The following SLC38A1 variants were observed in gnomAD, a reference collection of about 807,000 sequenced individuals.
The protein encoded by SLC38A1 is sodium-coupled neutral amino acid symporter 1.
Under a neutral mutation model 60.3 loss-of-function variants are expected in SLC38A1, and 18 were observed. The observed-to-expected ratio is 0.30, with a 90% CI of 0.21 to 0.44. The LOEUF (loss-of-function observed/expected upper bound fraction) is 0.44. Among genes scored for constraint, SLC38A1 ranks in the 20% least tolerant of loss-of-function variants. The pLI, the probability that SLC38A1 is intolerant of heterozygous loss-of-function variation, is 1.00. For synonymous variants in SLC38A1, 196 were observed against 212.1 expected (o/e 0.92, Z 0.66); for missense variants, 448 against 587.2 (o/e 0.76, Z 2.45).
chr12:46,237,487 A>AAAAC (rs1228276446), intron 3 of SLC38A1, among the ~76,000 whole-genome samples: 2 of 150,210 alleles, frequency 1.3e-5, no homozygotes, highest in South Asian at 2.1e-4. Flanking sequence ...GAAATAAAGA[A>AAAAC]AAACAAACAA....
chr12:46,204,543 A>G lies in SLC38A1; in HGVS notation c.694T>C (p.Phe232Leu). Residue 232 changes from phenylalanine to leucine, a missense_variant, in exon 10 of 17, where the codon TTC becomes CTC. By Grantham distance (22) the Phe-to-Leu change is conservative. Around this residue, in one of 2 missense-constraint regions of SLC38A1, gnomAD observed 346 missense variants for 497.5 expected, o/e 0.70. Coordinates refer to ENST00000398637, the MANE Select transcript of SLC38A1 (RefSeq NM_030674.4). Reference sequence around the variant, plus strand: ...CAATCAGCACTTACCACAATTAGGAAAAAAACCATACAGCTCAAGGAAAAT... The same window carrying G: ...CAATCAGCACTTACCACAATTAGGAGAAAAACCATACAGCTCAAGGAAAAT... ...SGFSLSCMVFFLIVVIYKKFQ... is the reference protein window; with the variant it reads ...SGFSLSCMVFLLIVVIYKKFQ... 6.2e-7 allele frequency: 1 copy of G among 1,612,992 alleles called. No individual in the cohort carries two copies. The highest frequency in any genetic ancestry group is 8.5e-7 in the Non-Finnish European group (1 of 1,179,644).
At chr12:46,262,117 C>T (rs1468585168) in intron 1 of SLC38A1, among the ~76,000 whole-genome samples, 1 of 152,206 alleles carries the variant, frequency 6.6e-6, no homozygotes, top group Non-Finnish European at 1.5e-5. Context: ...CTTCCTTGGA[C>T]AAATTGCCCA....
At chr12:46,262,433 TGAG>T (rs1372440173) in intron 1 of SLC38A1, among the ~76,000 whole-genome samples, 3 of 152,012 alleles carry the variant, frequency 2.0e-5, no homozygotes, top group Admixed American at 2.0e-4. Context: ...TGAGTGTATA[TGAG>T]TAGTGTGAAT....
chr12:46,229,130 AG>A, intron 5 of SLC38A1, 22 bp downstream of exon 5: 1 of 1,384,012 alleles, frequency 7.2e-7, no homozygotes, highest in Non-Finnish European at 1.0e-6. Context: ...TAAAATGGAA[AG>A]TACCGGCACG....
intron 1 of SLC38A1, among the ~76,000 whole-genome samples, chr12:46,262,988 A>C (rs1436796713): frequency 1.3e-5 from 2 of 152,186 alleles, no homozygotes; most frequent in Non-Finnish European, 2.9e-5. Flanking sequence ...TTCTTAATGA[A>C]TCACTTCCAA....
rs1939886311 is a variant in SLC38A1 at position 46,206,126 on chromosome 12, T to C, written c.600A>G (p.Ile200Met). 5.0e-6 allele frequency: 8 copies of C among 1,612,180 alleles called. No individual in the cohort carries two copies. The East Asian group carries it at 1.6e-4, about 32-fold the overall frequency. Residue 200 changes from isoleucine (I) to methionine (M), a missense_variant, in exon 9 of 17, where the codon ATA becomes ATG. By Grantham distance (10) the Ile-to-Met change is conservative. Coordinates refer to ENST00000398637, the MANE Select transcript of SLC38A1 (RefSeq NM_030674.4). ...GAGGGAGAATTATGCCAAAGGTAAC[T>C]ATCACCACCAGAACGCGGCCATCCA... ...WYVDGRVLVV[I>M]VTFGIILPLC...
chr12:46,220,866 T>C (rs1940630624), intron 5 of SLC38A1, among the ~76,000 whole-genome samples: 1 of 152,312 alleles, frequency 6.6e-6, no homozygotes. Context: ...CCCGATAGAA[T>C]GAGAAGACTA....
At position 46,204,541 on chromosome 12, in the gene SLC38A1, G is replaced by T; in HGVS notation, c.696C>A (p.Phe232Leu). ...SGFSLSCMVFFLIVVIYKKFQ... is the reference protein window; with the variant it reads ...SGFSLSCMVFLLIVVIYKKFQ... The stretch of plus-strand genomic sequence containing the variant: ...TGCAATCAGCACTTACCACAATTAG[G>T]AAAAAAACCATACAGCTCAAGGAAA... The change falls in exon 10 of 17, where the codon TTC becomes TTA. Residue 232 changes from phenylalanine to leucine, a missense_variant. Phe to Leu is a conservative substitution (Grantham distance 22). This residue lies in a region of SLC38A1 where 346 missense variants were observed against 497.5 expected (regional missense o/e 0.70). Coordinates refer to ENST00000398637, the MANE Select transcript of SLC38A1 (RefSeq NM_030674.4). The T allele has an allele frequency of 6.2e-7, 1 of 1,611,198 alleles. No individual in the cohort carries two copies. The highest frequency in any genetic ancestry group is 8.5e-7 in the Non-Finnish European group (1 of 1,179,070).
chr12:46,197,820 G>A lies in SLC38A1; in HGVS notation c.1265-3C>T, dbSNP rs772408192. ...AAGCATGTTAGCAGATGTAACTCCT[G>A]TAAAATAAGACAAAAGAGAAAGTTT... is the stretch of plus-strand genomic sequence containing the variant. On this transcript the variant is annotated splice_region_variant and splice_polypyrimidine_tract_variant and intron_variant, in intron 15 of 16. Transcript: ENST00000398637. 1.3e-6 allele frequency: 2 copies of A among 1,597,442 alleles called. No homozygotes were observed. The highest frequency in any genetic ancestry group is 2.2e-5 in the East Asian group (1 of 44,758).
At chr12:46,203,451 T>C (rs1592078229) in intron 11 of SLC38A1, among the ~76,000 whole-genome samples, 1 of 152,148 alleles carries the variant, frequency 6.6e-6, no homozygotes. Flanking sequence ...ACTGTGGCTG[T>C]TCTCCTGGCT....
chr12:46,194,281 T>C (rs74483171), intron 16 of SLC38A1, among the ~76,000 whole-genome samples: 5 of 152,214 alleles, frequency 3.3e-5, no homozygotes, highest in African/African-American at 9.7e-5. Context: ...TTCTGGCTTG[T>C]AGGGTTTCTG....
Position 46,228,863 on chromosome 12 carries a change from T to C in SLC38A1, c.314+290A>G, listed in dbSNP as rs141439507. ...TTTAACTGAGATTTAAAGTCACAGG[T>C]AGACTCCAAAAATACCAAAAAAAGT... On this transcript the variant is annotated intron_variant, in intron 5 of 16. Transcript: ENST00000398637. 4.0e-4 allele frequency among the ~76,000 whole-genome samples: 61 copies of C among 152,312 alleles called. No individual in the cohort carries two copies. In the East Asian group the frequency reaches 0.011, roughly 28 times the overall value.
At chr12:46,258,182 G>A (rs1942091840) in intron 1 of SLC38A1, among the ~76,000 whole-genome samples, 1 of 152,256 alleles carries the variant, frequency 6.6e-6, no homozygotes, top group African/African-American at 2.4e-5. Context: ...ACTGCAACCT[G>A]TTTTATCATT....
intron 5 of SLC38A1, among the ~76,000 whole-genome samples, chr12:46,215,031 T>C (rs1333648528): frequency 2.0e-5 from 3 of 152,232 alleles, no homozygotes; most frequent in Admixed American, 2.0e-4. Context: ...ATTAGGATCT[T>C]GTTAAAATGG....
intron 12 of SLC38A1, among the ~76,000 whole-genome samples, 180 bp from the exon 13 acceptor site, chr12:46,201,378 T>C (rs1939652601): frequency 6.6e-6 from 1 of 152,220 alleles, no homozygotes; most frequent in Non-Finnish European, 1.5e-5. Context: ...GAATTGGTAT[T>C]GAGGGTGAGA....
chr12:46,229,539 C>T (rs753476613), intron 4 of SLC38A1, 25 bp downstream of exon 4: 2 of 1,541,396 alleles, frequency 1.3e-6, no homozygotes, highest in Non-Finnish European at 1.8e-6. Context: ...AAAAAATAAG[C>T]ATACTTCATT....
At chr12:46,228,662 T>C (rs748448943) in intron 5 of SLC38A1, among the ~76,000 whole-genome samples, 3 of 152,262 alleles carry the variant, frequency 2.0e-5, no homozygotes, top group Non-Finnish European at 4.4e-5. Context: ...TTTCTTTTCA[T>C]TGAATCTCAG....
intron 14 of SLC38A1, 58 bp downstream of exon 14, chr12:46,198,567 G>A: frequency 8.2e-7 from 1 of 1,213,404 alleles, no homozygotes; most frequent in Non-Finnish European, 1.2e-6. Context: ...GGCTCCTGCA[G>A]GCAGAAGGAA....
intron 4 of SLC38A1, 74 bp downstream of exon 4, chr12:46,229,490 T>A: frequency 8.6e-7 from 1 of 1,158,362 alleles, no homozygotes; most frequent in East Asian, 2.3e-5. Context: ...GGTACTATGC[T>A]ACTTGAATTA....
Sources: gnomAD v4.1 joint callset for allele counts (sites outside exome capture counted in the v4.1 genomes callset) on GRCh38, gnomAD v4.1.1 for gene constraint, gnomAD v4.1.1 regional missense constraint, MANE v1.5 for transcripts, NCBI Gene and HGNC (gene_info 2026-07-23, HGNC 2026-07-21) for gene names.